Variants in CSMD1 observed in about 807,000 individuals in gnomAD.
CSMD1 encodes CUB and sushi domain-containing protein 1.
In CSMD1, 213 loss-of-function variants were observed where a neutral mutation model predicts 417.5. The ratio of observed to expected loss-of-function variants is 0.51; its 90% CI spans 0.46 to 0.57. The LOEUF (loss-of-function observed/expected upper bound fraction) is 0.57. Among genes scored for constraint, CSMD1 ranks in the 20% least tolerant of loss-of-function variants. CSMD1 has a pLI of 0.00. For missense variants in CSMD1, 6,923 were observed against 4,529.7 expected, an observed-to-expected ratio of 1.53 and a Z score of -15.17; for synonymous variants, 2,862 against 1,736.8, an observed-to-expected ratio of 1.65 and a Z score of -16.11.
chr8:3,588,555 A>T (rs533655621), intron 8 of CSMD1, among the ~76,000 whole-genome samples: 1 of 152,286 alleles, frequency 6.6e-6, no homozygotes, highest in East Asian at 1.9e-4. Context: ...ACCAATCCTT[A>T]GTCATGGAGG....
At chr8:3,952,306 G>A (rs188461003) in intron 5 of CSMD1, among the ~76,000 whole-genome samples, 6 of 152,178 alleles carry the variant, frequency 3.9e-5, no homozygotes, top group Admixed American at 6.5e-5. Context: ...AAGGTGTCGT[G>A]GCTATAAATT....
At chr8:3,930,692 C>G (rs1810079850) in intron 5 of CSMD1, among the ~76,000 whole-genome samples, 1 of 150,192 alleles carries the variant, frequency 6.7e-6, no homozygotes, top group Non-Finnish European at 1.5e-5. Flanking sequence ...GCAAGTGTAC[C>G]CTTTCTGCAG....
intron 49 of CSMD1, among the ~76,000 whole-genome samples, chr8:3,078,691 A>T (rs34464519): frequency 6.6e-6 from 1 of 152,194 alleles, no homozygotes; most frequent in Non-Finnish European, 1.5e-5. Flanking sequence ...CAAAGACTGA[A>T]GGTCTACGTG....
At chr8:4,388,560 T>TG (rs542674355) in intron 3 of CSMD1, among the ~76,000 whole-genome samples, 15 of 124,254 alleles carry the variant, frequency 1.2e-4, no homozygotes, top group East Asian at 5.2e-4. Context: ...GGGGGAAGGG[T>TG]GGGGGGGTGA....
In CSMD1 at chr8:3,531,785, G is replaced by C. The variant is rs189065728; in HGVS notation, c.1345-38059C>G. On this transcript the variant is annotated intron_variant, in intron 10 of 69. Coordinates refer to ENST00000635120, the MANE Select transcript of CSMD1 (RefSeq NM_033225.6). ...CCTGGAAGATCGGGCTGCAAACATAGATAAGCAAGCTAGAAGCTTACACAG... is the reference window on the plus strand; with the variant it reads ...CCTGGAAGATCGGGCTGCAAACATACATAAGCAAGCTAGAAGCTTACACAG... Among the ~76,000 whole-genome samples, 15 of 152,322 alleles carry C rather than the reference G, an allele frequency of 9.8e-5. 1 individual carries two copies. The highest frequency in any genetic ancestry group is 7.2e-4 in the Admixed American group (11 of 15,300).
chr8:4,319,805 G>T (rs529892694), intron 3 of CSMD1, among the ~76,000 whole-genome samples: 2 of 152,144 alleles, frequency 1.3e-5, no homozygotes, highest in African/African-American at 2.4e-5. Context: ...CTTCACAAGA[G>T]ATGTGTAGAG....
chr8:3,643,072 G>A (rs530411730), intron 7 of CSMD1, among the ~76,000 whole-genome samples: 6 of 152,130 alleles, frequency 3.9e-5, no homozygotes, highest in Non-Finnish European at 7.4e-5. Context: ...TCGACGGCAC[G>A]GGAGAGGGAG....
intron 26 of CSMD1, chr8:3,278,810 A>C (rs1488397722): frequency 6.6e-6 from 1 of 152,122 alleles, no homozygotes; most frequent in Non-Finnish European, 1.5e-5. Context: ...TTGGTTTGGA[A>C]AGACACCAGC....
At chr8:4,624,215 A>G (rs1447324290) in intron 2 of CSMD1, among the ~76,000 whole-genome samples, 2 of 152,148 alleles carry the variant, frequency 1.3e-5, no homozygotes, top group Admixed American at 6.5e-5. Context: ...CTATTTGTCT[A>G]AAGCCCCTGA....
At chr8:3,933,399 C>T (rs1417238552) in intron 5 of CSMD1, among the ~76,000 whole-genome samples, 1 of 152,288 alleles carries the variant, frequency 6.6e-6, no homozygotes, top group East Asian at 1.9e-4. Flanking sequence ...ATAAATGAGT[C>T]TATCAGGACT....
chr8:4,452,604 G>C (rs568884971), intron 2 of CSMD1, among the ~76,000 whole-genome samples: 2 of 152,256 alleles, frequency 1.3e-5, no homozygotes, highest in East Asian at 1.9e-4. Flanking sequence ...TAACGAAAAA[G>C]ATAATAGTTT....
chr8:2,935,511 G>C lies in CSMD1; in HGVS notation c.*3074C>G, dbSNP rs1455583955. ...TTTAATATTAATACATGTGTAATAG[G>C]ATTGGAACTGAAAATCAGCTAGAGA... On this transcript the variant is annotated 3_prime_UTR_variant, in exon 70 of 70. Transcript: ENST00000635120. The C allele has an allele frequency of 6.6e-6, 1 of 152,062 alleles. No individual in the cohort carries two copies. Among genetic ancestry groups the C allele is most frequent in the African/African-American group, 2.4e-5 (1 of 41,392 alleles). 9.4% of individuals were successfully genotyped at this position (152,062 alleles called of 1,614,324 possible).
intron 3 of CSMD1, among the ~76,000 whole-genome samples, chr8:4,403,827 C>T (rs1367759679): frequency 6.6e-6 from 1 of 152,178 alleles, no homozygotes; most frequent in Non-Finnish European, 1.5e-5. Flanking sequence ...CAAATGGCAT[C>T]TGCCATTGGG....
At chr8:4,636,427 C>T (rs184930592) in intron 2 of CSMD1, among the ~76,000 whole-genome samples, 47 of 152,288 alleles carry the variant, frequency 3.1e-4, no homozygotes, top group African/African-American at 1.1e-3. Context: ...GTCTAAACCA[C>T]AAATTCTCCA....
At chr8:4,231,686 G>A (rs1202093203) in intron 3 of CSMD1, among the ~76,000 whole-genome samples, 1 of 152,168 alleles carries the variant, frequency 6.6e-6, no homozygotes, top group African/African-American at 2.4e-5. Flanking sequence ...GTGGGCTTAT[G>A]ACTACAGTTA....
At chr8:4,798,266 GT>G (rs1563418288) in intron 1 of CSMD1, among the ~76,000 whole-genome samples, 1 of 152,054 alleles carries the variant, frequency 6.6e-6, no homozygotes, top group Non-Finnish European at 1.5e-5. Flanking sequence ...TGCGGTGTTT[GT>G]TTTCTGTCCT....
At chr8:3,422,210 GGGGCTGCTGTTTCCTCAA>G in intron 12 of CSMD1, among the ~76,000 whole-genome samples, 1 of 152,106 alleles carries the variant, frequency 6.6e-6, no homozygotes, top group South Asian at 2.1e-4. Flanking sequence ...TCACCATGAA[GGGGCTGCTGTTTCCTCAA>G]GGGCTGGACT....
intron 25 of CSMD1, among the ~76,000 whole-genome samples, chr8:3,297,076 A>G (rs1186626716): frequency 2.6e-5 from 4 of 152,252 alleles, no homozygotes; most frequent in Non-Finnish European, 5.9e-5. Flanking sequence ...TATGTTTGCC[A>G]TTAAGCAGAA....
At chr8:3,467,269 G>A (rs1318776267) in intron 12 of CSMD1, among the ~76,000 whole-genome samples, 2 of 152,298 alleles carry the variant, frequency 1.3e-5, no homozygotes, top group South Asian at 2.1e-4. Context: ...ACCTCATGAT[G>A]TGTATCTCAA....
Sources: gnomAD v4.1 joint callset for allele counts (sites outside exome capture counted in the v4.1 genomes callset) on GRCh38, gnomAD v4.1.1 for gene constraint, MANE v1.5 for transcripts, NCBI Gene and HGNC (gene_info 2026-07-23, HGNC 2026-07-21) for gene names.